The following ABCC9 variants were observed in gnomAD, a reference collection of about 807,000 sequenced individuals.
The protein encoded by ABCC9 is ATP binding cassette subfamily C member 9.
ABCC9 carries 95 observed loss-of-function variants against 188.3 expected under a neutral mutation model. The observed-to-expected ratio is 0.50, with a 90% CI of 0.43 to 0.60. The LOEUF (loss-of-function observed/expected upper bound fraction) is 0.60, where lower values mean the gene tolerates loss of function less well. Among genes scored for constraint, ABCC9 ranks in the 20% least tolerant of loss-of-function variants. The pLI, the probability that ABCC9 is intolerant of heterozygous loss-of-function variation, is 0.00. For synonymous variants in ABCC9, 659 were observed against 652.7 expected, an observed-to-expected ratio of 1.01 and a Z score of -0.15; for missense variants, 1,102 against 1,876.3, an observed-to-expected ratio of 0.59 and a Z score of 7.62.
chr12:21,852,163 G>A lies in ABCC9; in HGVS notation c.2703C>T (p.Thr901=), dbSNP rs1000035870. 1 of 1,613,534 alleles carries A rather than the reference G, an allele frequency of 6.2e-7. No homozygotes were observed. Among genetic ancestry groups the A allele is most frequent in the African/African-American group, 1.3e-5 (1 of 74,882 alleles). The change falls in exon 24 of 40, where the codon ACC becomes ACT. Residue 901 remains threonine, a synonymous_variant. Coordinates refer to ENST00000261200, the MANE Select transcript of ABCC9 (RefSeq NM_020297.4). Reference sequence around the variant, plus strand: ...AGTGTTCATAAAGCTCAACATCTTTGGTTTGAATGTCCTTCAAAGTTCCTT... The same window carrying A: ...AGTGTTCATAAAGCTCAACATCTTTAGTTTGAATGTCCTTCAAAGTTCCTT... ...LREGTLKDIQ[T]KDVELYEHWK...
intron 31 of ABCC9, among the ~76,000 whole-genome samples, chr12:21,824,643 C>G (rs1325937774): frequency 6.6e-6 from 1 of 152,102 alleles, no homozygotes; most frequent in Non-Finnish European, 1.5e-5. Context: ...GGTTGGTAGG[C>G]TACTAATTAT....
At chr12:21,939,254 C>T (rs543927152) in intron 2 of ABCC9, among the ~76,000 whole-genome samples, 10 of 152,262 alleles carry the variant, frequency 6.6e-5, no homozygotes, top group African/African-American at 2.4e-4. Flanking sequence ...CGCATGTCTC[C>T]TTTCACCTTT....
At chr12:21,900,604 G>A (rs879177933) in intron 12 of ABCC9, among the ~76,000 whole-genome samples, 1 of 152,118 alleles carries the variant, frequency 6.6e-6, no homozygotes, top group Non-Finnish European at 1.5e-5. Flanking sequence ...CCAGTGTAGA[G>A]AAGTCCTTCA....
chr12:21,881,327 A>T (rs1318021926), intron 16 of ABCC9, among the ~76,000 whole-genome samples: 1 of 152,202 alleles, frequency 6.6e-6, no homozygotes, highest in Non-Finnish European at 1.5e-5. Context: ...GTAAATAAAA[A>T]ATTAATTTGG....
chr12:21,933,704 G>T, intron 4 of ABCC9, 78 bp downstream of exon 4: 7 of 1,545,870 alleles, frequency 4.5e-6, no homozygotes, highest in Non-Finnish European at 6.2e-6. Context: ...ATGGGCACAA[G>T]TTACAAAGAT....
chr12:21,904,611 G>C (rs1947941070), intron 12 of ABCC9, among the ~76,000 whole-genome samples: 1 of 152,110 alleles, frequency 6.6e-6, no homozygotes, highest in Admixed American at 6.5e-5. Flanking sequence ...ATCAAAAAGT[G>C]GGCAAAGGGT....
rs1203745334 is a variant in ABCC9, at chr12:21,799,701, A to C, written c.*1343T>G. On this transcript the variant is annotated 3_prime_UTR_variant, in exon 40 of 40. Transcript: ENST00000261200. ...ACAGAAACTATAGGAAAGTGGCATAATTTCTCTTAATTCATCAATTTTATA... is the reference window on the plus strand; with the variant it reads ...ACAGAAACTATAGGAAAGTGGCATACTTTCTCTTAATTCATCAATTTTATA... The C allele has an allele frequency of 6.6e-6, 1 of 152,312 alleles. No individual in the cohort carries two copies. The highest frequency in any genetic ancestry group is 3.4e-3 in the Middle Eastern group (1 of 294). 9.4% of individuals were successfully genotyped at this position (152,312 alleles called of 1,614,324 possible).
chr12:21,822,486 G>C (rs2726120), intron 31 of ABCC9, among the ~76,000 whole-genome samples: 31,267 of 151,966 alleles, frequency 0.21, 3,543 homozygotes, highest in Middle Eastern at 0.33. Context: ...GTATAGAAAT[G>C]TGAAATTAAT....
chr12:21,876,074 T>A (rs1177288192), intron 16 of ABCC9, among the ~76,000 whole-genome samples: 1 of 151,782 alleles, frequency 6.6e-6, no homozygotes, highest in Non-Finnish European at 1.5e-5. Flanking sequence ...TAAAATAAAA[T>A]AAAAACTTGT....
chr12:21,842,627 A>T (rs1944453338), intron 28 of ABCC9, among the ~76,000 whole-genome samples, 156 bp from the exon 29 acceptor site: 1 of 152,184 alleles, frequency 6.6e-6, no homozygotes, highest in African/African-American at 2.4e-5. Context: ...CTCACTTCCC[A>T]TAGTTTATTA....
In ABCC9 at chr12:21,915,514, A is replaced by ATATATATATATTTTTTTTTTTTTT; in HGVS notation, c.816+153_816+154insAAAAAAAAAAAAAATATATATATA. 2.6e-3 allele frequency among the ~76,000 whole-genome samples: 9 copies of ATATATATATATTTTTTTTTTTTTT among 3,522 alleles called. 4 individuals carry two copies. Among genetic ancestry groups the ATATATATATATTTTTTTTTTTTTT allele is most frequent in the Non-Finnish European group, 3.7e-3 (8 of 2,144 alleles). 2.3% of individuals were successfully genotyped at this position (3,522 alleles called of 152,430 possible). On this transcript the variant is annotated intron_variant, in intron 7 of 39. Coordinates refer to ENST00000261200, the MANE Select transcript of ABCC9 (RefSeq NM_020297.4). ...TGTGTGTGTGTGTATATATATATATATTTTTTTTTTTTTTTTGAGACAGAG... is the reference window on the plus strand; with the variant it reads ...TGTGTGTGTGTGTATATATATATATATATATATATATTTTTTTTTTTTTTTTTTTTTTTTTTTTTTGAGACAGAG...
chr12:21,863,156 C>G lies in ABCC9; in HGVS notation c.2238-102G>C, dbSNP rs540104995. The G allele has an allele frequency of 2.4e-4, 184 of 780,286 alleles. 2 individuals are homozygous for G. In the Admixed American group the frequency reaches 4.7e-3, roughly 20 times the overall value. The allele number at this position is 780,286 out of a possible 1,614,324, so 48.3% of individuals were successfully genotyped here. ...AGGGGAAATAAAATTAGTAAACTAT[C>G]TCAGATACAGAAATGGAAAACTTCT... is the stretch of plus-strand genomic sequence containing the variant. On this transcript the variant is annotated intron_variant, in intron 19 of 39. Transcript: ENST00000261200.
At position 21,814,348 on chromosome 12, in the gene ABCC9, TC is replaced by T. The variant is rs200058602; in HGVS notation, c.4102+295del. ...CCTCCCTCTTTCTTTCTCTTGAAAT[TC>T]CACCTCCACCTACTGCTATTCAAAG... On this transcript the variant is annotated intron_variant, in intron 35 of 39. Transcript: ENST00000261200. 3.6e-3 allele frequency among the ~76,000 whole-genome samples: 555 copies of T among 152,330 alleles called. No individual in the cohort carries two copies. The highest frequency in any genetic ancestry group is 0.013 in the African/African-American group (527 of 41,574).
chr12:21,869,886 A>C (rs1945979591), intron 18 of ABCC9, among the ~76,000 whole-genome samples: 1 of 152,234 alleles, frequency 6.6e-6, no homozygotes, highest in African/African-American at 2.4e-5. Flanking sequence ...TGAAAAAGAA[A>C]GGACTAAGAA....
Position 21,929,084 on chromosome 12 carries a change from A to T in ABCC9, c.285-3021T>A, listed in dbSNP as rs1301287357. Among the ~76,000 whole-genome samples the T allele has an allele frequency of 2.0e-5, 3 of 152,180 alleles. No individual in the cohort carries two copies. The East Asian group carries it at 5.8e-4, about 29-fold the overall frequency. ...AAAACACAGTAATAGTGAAGATTTT[A>T]ATACACTGCTTTTAGAATTTTGACA... On this transcript the variant is annotated intron_variant, in intron 4 of 39. Transcript: ENST00000261200.
At chr12:21,824,993 A>G (rs532001521) in intron 31 of ABCC9, among the ~76,000 whole-genome samples, 2 of 152,124 alleles carry the variant, frequency 1.3e-5, no homozygotes, top group South Asian at 4.2e-4. Flanking sequence ...TTCTGGATTC[A>G]CTGATTTTTT....
chr12:21,890,104 A>G (rs974482636), intron 14 of ABCC9, among the ~76,000 whole-genome samples: 59 of 152,312 alleles, frequency 3.9e-4, no homozygotes, highest in African/African-American at 1.2e-3. Context: ...GGGTAATACG[A>G]AAAGCATTTT....
rs770548431 is a variant in ABCC9 at position 21,933,745 on chromosome 12, T to C, written c.284+37A>G. On this transcript the variant is annotated intron_variant, in intron 4 of 39. Transcript: ENST00000261200. The stretch of plus-strand genomic sequence containing the variant: ...CTTGTGTAATCAATATACCCACTGG[T>C]ATACTGCAGTGGTATTATTTAACTT... The C allele has an allele frequency of 3.7e-6, 6 of 1,600,530 alleles. No homozygotes were observed. In the Admixed American group the frequency reaches 1.0e-4, roughly 27 times the overall value.
chr12:21,832,221 G>A (rs1943801531), intron 30 of ABCC9, among the ~76,000 whole-genome samples: 1 of 152,168 alleles, frequency 6.6e-6, no homozygotes, highest in African/African-American at 2.4e-5. Flanking sequence ...ATTTAACTGT[G>A]ATGCTTTCGT....
Sources: gnomAD v4.1 joint callset for allele counts (sites outside exome capture counted in the v4.1 genomes callset) on GRCh38, gnomAD v4.1.1 for gene constraint, MANE v1.5 for transcripts, NCBI Gene and HGNC (gene_info 2026-07-23, HGNC 2026-07-21) for gene names.